Variants in RARB observed in about 807,000 individuals in gnomAD.
RARB encodes retinoic acid receptor beta.
In RARB, 17 loss-of-function variants were observed where a neutral mutation model predicts 51.9. The observed-to-expected ratio is 0.33, with a 90% CI of 0.22 to 0.49. The LOEUF is 0.49. RARB is among the 20% of genes least tolerant of loss of function. The pLI is 0.99. For missense variants in RARB, 369 were observed against 550.8 expected (o/e 0.67, Z 3.30); for synonymous variants, 215 against 195.4 (o/e 1.10, Z -0.84).
intron 5 of RARB, among the ~76,000 whole-genome samples, chr3:25,387,393 C>G (rs1157452517): frequency 6.6e-6 from 1 of 152,072 alleles, no homozygotes; most frequent in African/African-American, 2.4e-5. Flanking sequence ...CCTACAGCAC[C>G]TTATGGGTAG....
At chr3:25,431,126 A>G (rs1708190774) in intron 1 of RARB, among the ~76,000 whole-genome samples, 1 of 152,044 alleles carries the variant, frequency 6.6e-6, no homozygotes, top group African/African-American at 2.4e-5. Flanking sequence ...GAACATAACC[A>G]CAACCTTTTC....
chr3:25,176,411 T>G (rs1700754050), intron 5 of RARB, among the ~76,000 whole-genome samples: 2 of 144,264 alleles, frequency 1.4e-5, no homozygotes, highest in Non-Finnish European at 3.0e-5. Flanking sequence ...ATTTATTTAT[T>G]TTTGAGATGG....
upstream of RARB, among the ~76,000 whole-genome samples, chr3:25,425,866 T>C (rs1707973425): frequency 6.6e-6 from 1 of 152,180 alleles, no homozygotes; most frequent in Admixed American, 6.5e-5. Context: ...CTCTACTCTT[T>C]GGAGAGATGT....
intron 2 of RARB, among the ~76,000 whole-genome samples, chr3:24,945,572 C>G (rs1285156069): frequency 1.3e-5 from 2 of 152,214 alleles, no homozygotes; most frequent in African/African-American, 2.4e-5. Context: ...TCTTGTTTAT[C>G]CAGTCCCTGT....
chr3:24,999,975 T>C (rs1697124453), intron 2 of RARB, among the ~76,000 whole-genome samples: 1 of 131,308 alleles, frequency 7.6e-6, no homozygotes, highest in Admixed American at 8.3e-5. Flanking sequence ...GACTTCTTCT[T>C]GAATCATAAA....
chr3:24,976,426 C>T (rs564655105), intron 2 of RARB, among the ~76,000 whole-genome samples: 7 of 152,290 alleles, frequency 4.6e-5, no homozygotes, highest in Admixed American at 1.3e-4. Context: ...TCCTCTCCAG[C>T]GTCTGTTGTT....
chr3:25,100,105 C>T (rs2125320711), intron 3 of RARB, among the ~76,000 whole-genome samples: 1 of 152,178 alleles, frequency 6.6e-6, no homozygotes, highest in East Asian at 1.9e-4. Context: ...TTCATTCATC[C>T]CTGGATTGAT....
At chr3:25,173,531 A>G (rs1376543360) in intron 4 of RARB, among the ~76,000 whole-genome samples, 1 of 152,194 alleles carries the variant, frequency 6.6e-6, no homozygotes, top group Non-Finnish European at 1.5e-5. Context: ...TTTCTCCCAT[A>G]ATTTTATTAT....
At chr3:25,304,541 T>A (rs563958383) in intron 5 of RARB, among the ~76,000 whole-genome samples, 1 of 152,366 alleles carries the variant, frequency 6.6e-6, no homozygotes, top group Admixed American at 6.5e-5. Flanking sequence ...ACATTTGGAA[T>A]AATCTTTGAC....
chr3:24,883,371 TGTG>T (rs1386251177), intron 2 of RARB, among the ~76,000 whole-genome samples: 3 of 130,806 alleles, frequency 2.3e-5, no homozygotes, highest in Non-Finnish European at 4.5e-5. Context: ...TGTGTGTGTG[TGTG>T]TGTGTGTGTG....
At chr3:25,490,991 TGAGAA>T (rs1417147142) in intron 2 of RARB, among the ~76,000 whole-genome samples, 4 of 152,154 alleles carry the variant, frequency 2.6e-5, no homozygotes, top group African/African-American at 4.8e-5. Flanking sequence ...TTCAAACTCT[TGAGAA>T]GAGACAAAGT....
intron 2 of RARB, among the ~76,000 whole-genome samples, chr3:25,499,403 T>C (rs983822078): frequency 1.3e-5 from 2 of 152,336 alleles, no homozygotes; most frequent in East Asian, 1.9e-4. Flanking sequence ...TGGAAGTTTT[T>C]CTTGGGCATT....
intron 3 of RARB, among the ~76,000 whole-genome samples, chr3:25,086,532 T>A (rs952417823): frequency 6.6e-6 from 1 of 152,152 alleles, no homozygotes; most frequent in Non-Finnish European, 1.5e-5. Context: ...CAAATATGAG[T>A]GACCGTGGCT....
chr3:25,073,426 C>G (rs1339124820), intron 3 of RARB, among the ~76,000 whole-genome samples: 1 of 152,218 alleles, frequency 6.6e-6, no homozygotes, highest in Non-Finnish European at 1.5e-5. Flanking sequence ...AACATTAGTT[C>G]TGCAAGACAG....
intron 5 of RARB, among the ~76,000 whole-genome samples, chr3:25,397,820 C>T (rs940561446): frequency 6.6e-5 from 10 of 151,266 alleles, no homozygotes; most frequent in Non-Finnish European, 1.0e-4. Context: ...AAAATAAGGC[C>T]ACTTCACAGT....
chr3:25,071,557 T>C lies in RARB; in HGVS notation c.-328+11381T>C, dbSNP rs184105105. 3.6e-3 allele frequency among the ~76,000 whole-genome samples: 553 copies of C among 152,326 alleles called. 7 individuals carry two copies. Among genetic ancestry groups the C allele is most frequent in the Non-Finnish European group, 7.8e-4 (53 of 68,034 alleles). ...AAAACATGAACAAGAAACTACTGCTTTGGAAACTTAGTTCTTTTGCTTCCT... is the reference window on the plus strand; with the variant it reads ...AAAACATGAACAAGAAACTACTGCTCTGGAAACTTAGTTCTTTTGCTTCCT... On this transcript the variant is annotated intron_variant, in intron 3 of 11. Transcript: ENST00000383772.
In RARB at chr3:25,101,648, TG is replaced by T. The variant is rs781066303; in HGVS notation, c.-327-30512del. On this transcript the variant is annotated intron_variant, in intron 3 of 11. Transcript: ENST00000383772. Reference sequence around the variant, plus strand: ...CTATCCTTTTATTGCTAAATCTTTATGTTTTTTTTTTTTATTATATTCAGTA... The same window carrying T: ...CTATCCTTTTATTGCTAAATCTTTATTTTTTTTTTTTTATTATATTCAGTA... Among the ~76,000 whole-genome samples the T allele has an allele frequency of 3.0e-3, 446 of 150,312 alleles. 1 individual carries two copies. The highest frequency in any genetic ancestry group is 4.6e-3 in the Non-Finnish European group (309 of 67,906).
At chr3:25,558,626 A>G (rs2125676216) in intron 3 of RARB, among the ~76,000 whole-genome samples, 1 of 151,328 alleles carries the variant, frequency 6.6e-6, no homozygotes, top group African/African-American at 2.4e-5. Flanking sequence ...TGACTCCTAA[A>G]TAATCTAACT....
intron 2 of RARB, among the ~76,000 whole-genome samples, chr3:25,497,806 G>A (rs996867229): frequency 5.3e-5 from 8 of 152,186 alleles, no homozygotes; most frequent in Non-Finnish European, 1.5e-5. Flanking sequence ...TTCTCCAGAT[G>A]TGTCTAACCA....
Sources: allele counts gnomAD v4.1 joint callset (sites outside exome capture counted in the v4.1 genomes callset), GRCh38; gene constraint gnomAD v4.1.1; transcripts MANE v1.5; gene names NCBI Gene and HGNC (gene_info 2026-07-23, HGNC 2026-07-21).